SFT2D1: variants seen among roughly 807,000 people sequenced by gnomAD.
SFT2D1 encodes the protein SFT2 domain containing 1, also known as vesicle transport protein SFT2A.
Under a neutral mutation model 28.1 loss-of-function variants are expected in SFT2D1, and 24 were observed. That is an observed-to-expected ratio of 0.85 (90% CI 0.62 to 1.20). SFT2D1 has a LOEUF of 1.20. SFT2D1 is among the 50% of genes most tolerant of loss of function. SFT2D1 has a pLI of 0.00. For missense variants in SFT2D1, 181 were observed against 190.9 expected (o/e 0.95, Z 0.31); for synonymous variants, 82 against 73.7 (o/e 1.11, Z -0.58).
chr6:166,329,336 G>C (rs1778507215), intron 3 of SFT2D1, among the ~76,000 whole-genome samples, 171 bp downstream of exon 3: 1 of 152,160 alleles, frequency 6.6e-6, no homozygotes. Context: ...CGTCTGTTAT[G>C]GGAGACGGCA....
chr6:166,334,966 T>C, intron 1 of SFT2D1: 1 of 470,476 alleles, frequency 2.1e-6, no homozygotes, highest in Non-Finnish European at 4.1e-6. Context: ...ATGGAAAAAC[T>C]GAAGTGACTG....
In SFT2D1 at chr6:166,322,886, C is replaced by T. The variant is rs1462822674; in HGVS notation, c.411G>A (p.Trp137Ter). Residue 137 changes from tryptophan to a stop codon, truncating the protein, a stop_gained and splice_region_variant, in exon 7 of 8, where the codon TGG (tryptophan) becomes TGA (stop). Coordinates refer to ENST00000361731, the MANE Select transcript of SFT2D1 (RefSeq NM_145169.3). LOFTEE classifies it high-confidence loss of function. ...CATATGGGATGTACGACAGGCTATACCTGCAAGAAATATTCAAGCATGTTG... is the reference window on the plus strand; with the variant it reads ...CATATGGGATGTACGACAGGCTATATCTGCAAGAAATATTCAAGCATGTTG... The part of the protein sequence containing the change: ...FCILQFLSMT[W>*]YSLSYIPYAR... 2 of 1,611,426 alleles carry T rather than the reference C, an allele frequency of 1.2e-6. No homozygotes were observed. Among genetic ancestry groups the T allele is most frequent in the African/African-American group, 1.3e-5 (1 of 74,970 alleles).
chr6:166,323,018 G>C, intron 6 of SFT2D1, 132 bp from the exon 7 acceptor site: 1 of 656,318 alleles, frequency 1.5e-6, no homozygotes. Flanking sequence ...GTGTGACCCC[G>C]ACCAGCAGTG....
rs1479489327 is a variant in SFT2D1 at position 166,326,151 on chromosome 6, G to A, written c.332C>T (p.Thr111Ile). 1.9e-6 allele frequency: 3 copies of A among 1,613,662 alleles called. No homozygotes were observed. Among genetic ancestry groups the A allele is most frequent in the Non-Finnish European group, 2.5e-6 (3 of 1,179,736 alleles). ...TIVMLLCFIF[T>I]LCAALWWHKK... ...ACTTACCCAAAGAGCAGCACACAGG[G>A]TAAATATGAAACACAACTACAGGGG... Residue 111 changes from threonine (T) to isoleucine (I), a missense_variant, in exon 5 of 8, where the codon ACC (threonine) becomes ATC (isoleucine). Transcript: ENST00000361731.
intron 2 of SFT2D1, 41 bp from the exon 3 acceptor site, chr6:166,329,630 A>C (rs2114900633): frequency 6.8e-7 from 1 of 1,469,650 alleles, no homozygotes. Context: ...TAATTTTATG[A>C]TTTTAATGGT....
At position 166,330,253 on chromosome 6, in the gene SFT2D1, T is replaced by C. The variant is rs1778526028; in HGVS notation, c.64-6A>G. The C allele has an allele frequency of 6.3e-7, 1 of 1,582,698 alleles. No individual in the cohort carries two copies. Among genetic ancestry groups the C allele is most frequent in the Non-Finnish European group, 8.6e-7 (1 of 1,167,250 alleles). ...AGGGATGAGGCATCCAGGACCTTAA[T>C]AAAAAATGGGAAAATTTAGAATATA... On this transcript the variant is annotated splice_polypyrimidine_tract_variant and splice_region_variant and intron_variant, in intron 1 of 7. Coordinates refer to ENST00000361731, the MANE Select transcript of SFT2D1 (RefSeq NM_145169.3).
chr6:166,341,227 C>T (rs1778773330), intron 1 of SFT2D1, among the ~76,000 whole-genome samples: 1 of 152,072 alleles, frequency 6.6e-6, no homozygotes, highest in African/African-American at 2.4e-5. Flanking sequence ...GGGCGGATCA[C>T]TTGAGGTCAG....
At chr6:166,323,509 A>G (rs1778392369) in intron 6 of SFT2D1, 1 of 152,290 alleles carries the variant, frequency 6.6e-6, no homozygotes. Context: ...GCTCTAAAGG[A>G]AAAGGAAAAG....
intron 6 of SFT2D1, chr6:166,324,000 T>G (rs1258621267): frequency 6.8e-6 from 1 of 147,398 alleles, no homozygotes; most frequent in Non-Finnish European, 1.5e-5. Flanking sequence ...AGTGAGACTC[T>G]GCCTCAAAAA....
At chr6:166,327,702 C>T (rs1376154825) in intron 4 of SFT2D1, among the ~76,000 whole-genome samples, 1 of 152,202 alleles carries the variant, frequency 6.6e-6, no homozygotes, top group East Asian at 1.9e-4. Context: ...TTTAAATACG[C>T]AGCTACACCA....
intron 7 of SFT2D1, among the ~76,000 whole-genome samples, chr6:166,320,594 C>A (rs1260610727): frequency 2.0e-5 from 3 of 151,664 alleles, no homozygotes; most frequent in Non-Finnish European, 4.4e-5. Context: ...ACTCTGTCTT[C>A]CAGGATAAGT....
At chr6:166,324,745 A>C in intron 5 of SFT2D1, 150 bp from the exon 6 acceptor site, 1 of 734,202 alleles carries the variant, frequency 1.4e-6, no homozygotes, top group Non-Finnish European at 2.2e-6. Context: ...GATACAGTTG[A>C]TCTGAAACTT....
chr6:166,332,013 T>A (rs1778561940), intron 1 of SFT2D1, among the ~76,000 whole-genome samples: 3 of 152,218 alleles, frequency 2.0e-5, no homozygotes, highest in Admixed American at 2.0e-4. Context: ...AGTAGGTATT[T>A]TTTCCTCCTA....
At chr6:166,332,193 T>C (rs1778564528) in intron 1 of SFT2D1, among the ~76,000 whole-genome samples, 1 of 152,348 alleles carries the variant, frequency 6.6e-6, no homozygotes, top group East Asian at 1.9e-4. Flanking sequence ...GGGAAAACTG[T>C]GATATGCTTC....
intron 5 of SFT2D1, chr6:166,324,801 T>C (rs1166260136): frequency 3.7e-6 from 2 of 545,792 alleles, no homozygotes; most frequent in Non-Finnish European, 6.4e-6. Flanking sequence ...TATCCATTAA[T>C]TTAAATACTG....
intron 1 of SFT2D1, among the ~76,000 whole-genome samples, chr6:166,336,644 T>A (rs549237968): frequency 1.3e-4 from 20 of 152,174 alleles, no homozygotes; most frequent in Middle Eastern, 3.2e-3. Flanking sequence ...CAATGGATCC[T>A]TCTTTTCCTC....
Position 166,330,192 on chromosome 6 carries a change from C to G in SFT2D1, c.119G>C (p.Cys40Ser). ...FNTRLKWFAI[C>S]FVCGVFFSIL... ...AGAAAAGAAAACGCCACATACGAAG[C>G]AGATGGCAAACCATTTCAATCTGGT... The change falls in exon 2 of 8, where the codon TGC becomes TCC. Residue 40 changes from cysteine (C) to serine (S), a missense_variant. Coordinates refer to ENST00000361731, the MANE Select transcript of SFT2D1 (RefSeq NM_145169.3). 1 of 1,605,910 alleles carries G rather than the reference C, an allele frequency of 6.2e-7. No individual in the cohort carries two copies. Among genetic ancestry groups the G allele is most frequent in the South Asian group, 1.1e-5 (1 of 89,236 alleles).
intron 6 of SFT2D1, 146 bp downstream of exon 6, chr6:166,324,391 A>G (rs1583034228): frequency 1.5e-6 from 1 of 657,918 alleles, no homozygotes. Flanking sequence ...AACAGGACTC[A>G]TCGCAGACCT....
chr6:166,338,594 C>G (rs1217061058), intron 1 of SFT2D1, among the ~76,000 whole-genome samples: 2 of 151,904 alleles, frequency 1.3e-5, no homozygotes, highest in Non-Finnish European at 2.9e-5. Context: ...AAAAGAAATG[C>G]AACTGCCAGG....
Sources: allele counts gnomAD v4.1 joint callset (sites outside exome capture counted in the v4.1 genomes callset), GRCh38; gene constraint gnomAD v4.1.1; transcripts MANE v1.5; gene names NCBI Gene and HGNC (gene_info 2026-07-23, HGNC 2026-07-21).